ST6GAL1: variants seen among roughly 807,000 people sequenced by gnomAD.
ST6GAL1 encodes the protein beta-galactoside alpha-2,6-sialyltransferase 1.
A neutral mutation model predicts 38.0 loss-of-function variants in ST6GAL1; 20 were observed. The observed-to-expected ratio is 0.53, with a 90% confidence interval of 0.37 to 0.77. ST6GAL1 has a LOEUF of 0.77. ST6GAL1 is among the 30% of genes least tolerant of loss of function. The pLI, the probability that ST6GAL1 is intolerant of heterozygous loss-of-function variation, is 0.00. For synonymous variants in ST6GAL1, 196 were observed against 188.2 expected (o/e 1.04, Z -0.34); for missense variants, 432 against 496.4 (o/e 0.87, Z 1.23).
chr3:187,022,633 G>T (rs1172154007), intron 2 of ST6GAL1, among the ~76,000 whole-genome samples: 1 of 152,144 alleles, frequency 6.6e-6, no homozygotes, highest in Non-Finnish European at 1.5e-5. Flanking sequence ...TCTGGGAAAG[G>T]CCTAGCAAGG....
chr3:187,033,180 G>C (rs918544820), intron 2 of ST6GAL1, among the ~76,000 whole-genome samples: 1 of 152,206 alleles, frequency 6.6e-6, no homozygotes, highest in Admixed American at 6.5e-5. Flanking sequence ...TTGGGAGGCC[G>C]AAGTGGGTAG....
chr3:187,010,951 T>A (rs1422725196), intron 2 of ST6GAL1, among the ~76,000 whole-genome samples: 1 of 152,204 alleles, frequency 6.6e-6, no homozygotes, highest in East Asian at 1.9e-4. Flanking sequence ...AAAGAAAATC[T>A]AGCCCCTTCT....
intron 2 of ST6GAL1, among the ~76,000 whole-genome samples, chr3:187,005,670 T>C (rs1023192597): frequency 6.6e-6 from 1 of 152,248 alleles, no homozygotes; most frequent in African/African-American, 2.4e-5. Flanking sequence ...TATTTTAAAA[T>C]CTTGTTTATT....
At chr3:187,034,186 A>T (rs1276001567) in intron 2 of ST6GAL1, among the ~76,000 whole-genome samples, 1 of 152,192 alleles carries the variant, frequency 6.6e-6, no homozygotes, top group Non-Finnish European at 1.5e-5. Context: ...GGAAACTCAC[A>T]ATCTTTCAAG....
At chr3:187,016,276 T>G (rs747895972) in intron 2 of ST6GAL1, among the ~76,000 whole-genome samples, 1 of 152,198 alleles carries the variant, frequency 6.6e-6, no homozygotes, top group Non-Finnish European at 1.5e-5. Context: ...CAAGCGCCAC[T>G]TGCCTATCCT....
intron 1 of ST6GAL1, among the ~76,000 whole-genome samples, chr3:186,955,544 C>T (rs1420338171): frequency 6.6e-6 from 1 of 151,754 alleles, no homozygotes; most frequent in Non-Finnish European, 1.5e-5. Context: ...CTCTTGTCAC[C>T]CAGGCTGGAG....
intron 5 of ST6GAL1, among the ~76,000 whole-genome samples, chr3:187,054,090 GCTCT>G (rs1718606511): frequency 6.6e-6 from 1 of 152,058 alleles, no homozygotes; most frequent in African/African-American, 2.4e-5. Flanking sequence ...TCATGATTTG[GCTCT>G]CTGTTTGTCT....
intron 2 of ST6GAL1, chr3:186,986,569 A>G (rs1715931046): frequency 6.6e-6 from 1 of 152,102 alleles, no homozygotes; most frequent in South Asian, 2.1e-4. Flanking sequence ...CCTTAGCGCC[A>G]TATTCTTCAG....
Position 187,072,929 on chromosome 3 carries a change from C to G in ST6GAL1, c.786C>G (p.Tyr262Ter). The G allele has an allele frequency of 6.2e-7, 1 of 1,613,492 alleles. No homozygotes were observed. The highest frequency in any genetic ancestry group is 2.2e-5 in the East Asian group (1 of 44,882). ...TAATTGTATGGGACCCATCTGTATA[C>G]CACTCAGATATCCCAAAGGTAAGTG... ...GILIVWDPSV[Y>*]HSDIPKWYQN... The change falls in exon 6 of 8, where the codon TAC (tyrosine) becomes TAG (stop). Residue 262 changes from tyrosine to a stop codon, truncating the protein, a stop_gained. Transcript: ENST00000169298. LOFTEE classifies it high-confidence loss of function.
At chr3:186,971,826 G>A (rs1031441946) in intron 2 of ST6GAL1, among the ~76,000 whole-genome samples, 1 of 152,108 alleles carries the variant, frequency 6.6e-6, no homozygotes, top group African/African-American at 2.4e-5. Context: ...CTACTTACTG[G>A]CAGCCTAGTT....
chr3:186,951,636 C>T (rs571244086), intron 1 of ST6GAL1, among the ~76,000 whole-genome samples: 2 of 152,180 alleles, frequency 1.3e-5, no homozygotes, highest in East Asian at 1.9e-4. Flanking sequence ...TGTTTCGCAC[C>T]TTTTTCTCTC....
At chr3:187,000,161 A>G (rs1278364446) in intron 2 of ST6GAL1, among the ~76,000 whole-genome samples, 1 of 152,142 alleles carries the variant, frequency 6.6e-6, no homozygotes, top group Non-Finnish European at 1.5e-5. Context: ...CTGCCTCCTG[A>G]CACATTACTG....
intron 2 of ST6GAL1, among the ~76,000 whole-genome samples, chr3:187,027,055 A>G (rs190167220): frequency 0.025 from 3,765 of 151,946 alleles, 71 homozygotes; most frequent in Non-Finnish European, 0.039. Flanking sequence ...TCTCCAAAAA[A>G]ATAAATAAAT....
chr3:187,043,476 A>T (rs1718198658), intron 4 of ST6GAL1, among the ~76,000 whole-genome samples, 166 bp downstream of exon 4: 1 of 152,144 alleles, frequency 6.6e-6, no homozygotes, highest in African/African-American at 2.4e-5. Flanking sequence ...AGTTGAACAG[A>T]TGGCGCTCTA....
At chr3:187,031,559 C>T (rs776066397) in intron 2 of ST6GAL1, among the ~76,000 whole-genome samples, 11 of 152,088 alleles carry the variant, frequency 7.2e-5, no homozygotes, top group Non-Finnish European at 1.3e-4. Context: ...CATCAGCCTC[C>T]CGAGTAACTA....
At chr3:187,038,379 T>C (rs1209028293) in intron 2 of ST6GAL1, 2 of 151,852 alleles carry the variant, frequency 1.3e-5, no homozygotes, top group Non-Finnish European at 2.9e-5. Context: ...CTAATTTTTT[T>C]TTTGTATTTT....
At chr3:187,003,077 A>G (rs983635268) in intron 2 of ST6GAL1, among the ~76,000 whole-genome samples, 9 of 152,250 alleles carry the variant, frequency 5.9e-5, no homozygotes, top group Admixed American at 4.6e-4. Flanking sequence ...AGGCCTGAGA[A>G]CCAGGGAAAG....
intron 2 of ST6GAL1, among the ~76,000 whole-genome samples, chr3:187,026,644 A>G (rs1717546571): frequency 6.6e-6 from 1 of 152,254 alleles, no homozygotes; most frequent in African/African-American, 2.4e-5. Flanking sequence ...TTTTGAGACT[A>G]GAGCCTGAGT....
chr3:187,073,855 G>A (rs1327832326), intron 6 of ST6GAL1: 14 of 255,856 alleles, frequency 5.5e-5, no homozygotes, highest in Admixed American at 2.2e-4. Context: ...CAGATGGTAC[G>A]TGGGGCTCTT....
Sources: allele counts gnomAD v4.1 joint callset (sites outside exome capture counted in the v4.1 genomes callset), GRCh38; gene constraint gnomAD v4.1.1; transcripts MANE v1.5; gene names NCBI Gene and HGNC (gene_info 2026-07-23, HGNC 2026-07-21).